The following FYN variants were observed in gnomAD, a reference collection of about 807,000 sequenced individuals.
The protein encoded by FYN is FYN proto-oncogene, Src family tyrosine kinase, also known as tyrosine-protein kinase Fyn.
A neutral mutation model predicts 70.2 loss-of-function variants in FYN; 10 were observed. That is an observed-to-expected ratio of 0.14 (90% confidence interval 0.09 to 0.24). The LOEUF (loss-of-function observed/expected upper bound fraction) is 0.24, where lower values mean the gene tolerates loss of function less well. FYN is among the 10% of genes least tolerant of loss of function. FYN has a pLI of 1.00. For missense variants in FYN, 319 were observed against 673.1 expected (o/e 0.47, Z 5.82); for synonymous variants, 236 against 248.6 (o/e 0.95, Z 0.48).
intron 3 of FYN, among the ~76,000 whole-genome samples, chr6:111,763,828 G>C (rs1400472000): frequency 6.6e-6 from 1 of 152,126 alleles, no homozygotes; most frequent in Non-Finnish European, 1.5e-5. Flanking sequence ...ACTTTGGGCA[G>C]GTGTGTAATT....
At chr6:111,679,980 T>C (rs560814292) in intron 12 of FYN, among the ~76,000 whole-genome samples, 2 of 152,266 alleles carry the variant, frequency 1.3e-5, no homozygotes, top group South Asian at 2.1e-4. Flanking sequence ...AAATCCTTAA[T>C]AGACTGGATT....
At chr6:111,849,154 C>T (rs1583492150) in intron 1 of FYN, among the ~76,000 whole-genome samples, 2 of 152,160 alleles carry the variant, frequency 1.3e-5, no homozygotes, top group South Asian at 2.1e-4. Context: ...GCTGATGTTT[C>T]GTTTGAGAAA....
intron 3 of FYN, among the ~76,000 whole-genome samples, chr6:111,738,054 A>G (rs1320368646): frequency 6.6e-6 from 1 of 152,174 alleles, no homozygotes; most frequent in Non-Finnish European, 1.5e-5. Context: ...GTCATCCTCC[A>G]TTTCTATATT....
At chr6:111,811,772 C>T (rs890173832) in intron 2 of FYN, among the ~76,000 whole-genome samples, 9 of 152,036 alleles carry the variant, frequency 5.9e-5, no homozygotes, top group Admixed American at 1.3e-4. Flanking sequence ...ATTTGGAGTT[C>T]GAAAATGAAG....
rs961108410 is a variant in FYN, at chr6:111,730,832, ACAAT to A, written c.-11-10774_-11-10771del. Among the ~76,000 whole-genome samples, 42 of 151,562 alleles carry A rather than the reference ACAAT, an allele frequency of 2.8e-4. 1 individual carries two copies. Among genetic ancestry groups the A allele is most frequent in the Admixed American group, 6.6e-4 (10 of 15,256 alleles). On this transcript the variant is annotated intron_variant, in intron 3 of 13. Transcript: ENST00000354650. ...CCCTCCTTACCCTCATTCTATAAAA[ACAAT>A]CAACCAGAGAAAAAGAGAAAAGAAA...
chr6:111,699,022 G>A (rs1288867057), intron 9 of FYN, among the ~76,000 whole-genome samples: 1 of 152,214 alleles, frequency 6.6e-6, no homozygotes, highest in African/African-American at 2.4e-5. Flanking sequence ...GGTGGAGGTT[G>A]CAGTGAGCCA....
chr6:111,761,452 T>C (rs1162690881), intron 3 of FYN, among the ~76,000 whole-genome samples: 1 of 152,128 alleles, frequency 6.6e-6, no homozygotes, highest in Non-Finnish European at 1.5e-5. Context: ...CGTGGTCTAG[T>C]GAAAGGAGAA....
At chr6:111,672,036 C>G (rs1020321297) in intron 13 of FYN, among the ~76,000 whole-genome samples, 1 of 152,180 alleles carries the variant, frequency 6.6e-6, no homozygotes. Flanking sequence ...CACGACACCC[C>G]CAATGAGGAC....
intron 2 of FYN, among the ~76,000 whole-genome samples, chr6:111,808,300 G>C (rs540583534): frequency 2.6e-4 from 40 of 152,242 alleles, no homozygotes; most frequent in African/African-American, 8.2e-4. Context: ...CAAGAAGTGA[G>C]CAGGGCACAA....
At chr6:111,677,778 G>C (rs967952010) in intron 12 of FYN, among the ~76,000 whole-genome samples, 1 of 152,134 alleles carries the variant, frequency 6.6e-6, no homozygotes, top group Non-Finnish European at 1.5e-5. Context: ...ACAGAACAAC[G>C]GAGAAAACAT....
intron 1 of FYN, among the ~76,000 whole-genome samples, chr6:111,871,770 C>T (rs1442621116): frequency 6.6e-6 from 1 of 152,196 alleles, no homozygotes; most frequent in Non-Finnish European, 1.5e-5. Flanking sequence ...GATGGGGAGG[C>T]TACCTTAAAA....
intron 3 of FYN, among the ~76,000 whole-genome samples, chr6:111,729,494 C>T (rs926254445): frequency 2.8e-5 from 4 of 145,164 alleles, no homozygotes; most frequent in Non-Finnish European, 4.5e-5. Flanking sequence ...AAAAGGGGGT[C>T]GGGGGTGGCA....
intron 2 of FYN, among the ~76,000 whole-genome samples, chr6:111,832,556 C>G (rs1158029295): frequency 6.6e-6 from 1 of 151,882 alleles, no homozygotes; most frequent in Non-Finnish European, 1.5e-5. Context: ...GCTTTTTTTT[C>G]TATTTAACAA....
chr6:111,700,233 G>C lies in FYN; in HGVS notation c.733C>G (p.Pro245Ala), dbSNP rs1799769267. Residue 245 changes from proline (P) to alanine (A), a missense_variant, in exon 9 of 14, where the codon CCC (proline) becomes GCC (alanine). Physicochemically the swap from Pro to Ala is conservative, Grantham distance 27 (BLOSUM62 -1). Around this residue, in one of 4 missense-constraint regions of FYN, gnomAD observed 112 missense variants for 250.2 expected, o/e 0.45. Transcript: ENST00000354650. ...AAGLCCRLVV[P>A]CHKGMPRLTD... is the part of the protein sequence containing the mutation. ...AGCCTTGGCATCCCTTTGTGACAGG[G>C]AACTACTAGGCGGCAGCAGAGACCT... 6.2e-7 allele frequency: 1 copy of C among 1,614,138 alleles called. No individual in the cohort carries two copies. Among genetic ancestry groups the C allele is most frequent in the Non-Finnish European group, 8.5e-7 (1 of 1,180,034 alleles).
intron 12 of FYN, among the ~76,000 whole-genome samples, chr6:111,685,001 A>G (rs1442012235): frequency 6.6e-6 from 1 of 152,256 alleles, no homozygotes; most frequent in East Asian, 1.9e-4. Context: ...CTGTAACTTG[A>G]TTACCTCTGT....
intron 3 of FYN, among the ~76,000 whole-genome samples, chr6:111,729,495 G>A (rs931222016): frequency 3.3e-5 from 5 of 151,406 alleles, no homozygotes; most frequent in East Asian, 1.9e-4. Flanking sequence ...AAAGGGGGTC[G>A]GGGGTGGCAT....
At chr6:111,801,506 G>A (rs528259762) in intron 2 of FYN, among the ~76,000 whole-genome samples, 49 of 152,282 alleles carry the variant, frequency 3.2e-4, no homozygotes, top group African/African-American at 1.2e-3. Flanking sequence ...TGTTGGCTAG[G>A]GAAATGATTG....
At chr6:111,837,336 T>A (rs535699174) in intron 2 of FYN, among the ~76,000 whole-genome samples, 48 of 152,066 alleles carry the variant, frequency 3.2e-4, no homozygotes, top group African/African-American at 1.1e-3. Context: ...CAGTTTTGCT[T>A]TTTTTTTAAA....
chr6:111,711,491 A>G (rs900033435), intron 5 of FYN, among the ~76,000 whole-genome samples: 2 of 152,254 alleles, frequency 1.3e-5, no homozygotes. Flanking sequence ...CAACGGGTCA[A>G]TGAAGCACCT....
Sources: allele counts gnomAD v4.1 joint callset (sites outside exome capture counted in the v4.1 genomes callset), GRCh38; gene constraint gnomAD v4.1.1; regional missense constraint gnomAD v4.1.1; transcripts MANE v1.5; gene names NCBI Gene and HGNC (gene_info 2026-07-23, HGNC 2026-07-21).